The following AVEN variants were observed in gnomAD, a reference collection of about 807,000 sequenced individuals.
The protein encoded by AVEN is apoptosis and caspase activation inhibitor.
Under a neutral mutation model 38.1 loss-of-function variants are expected in AVEN, and 41 were observed. That is an observed-to-expected ratio of 1.08 (90% CI 0.84 to 1.40). The LOEUF (loss-of-function observed/expected upper bound fraction) is 1.40. Ranked by LOEUF, AVEN falls within the 40% of genes most tolerant of loss-of-function variation. AVEN has a pLI of 0.00. For synonymous variants in AVEN, 206 were observed against 171.8 expected (o/e 1.20, Z -1.56); for missense variants, 605 against 438.8 (o/e 1.38, Z -3.38).
intron 2 of AVEN, among the ~76,000 whole-genome samples, chr15:33,885,158 C>T (rs1162020606): frequency 6.6e-6 from 1 of 152,186 alleles, no homozygotes; most frequent in Non-Finnish European, 1.5e-5. Context: ...TATAGGTCGA[C>T]AAAGGCTGAG....
At chr15:34,000,901 A>G (rs1220778562) in intron 2 of AVEN, among the ~76,000 whole-genome samples, 1 of 152,216 alleles carries the variant, frequency 6.6e-6, no homozygotes, top group Non-Finnish European at 1.5e-5. Context: ...AAGCAAAGAG[A>G]CTACAAGAAA....
chr15:34,049,307 G>GA (rs1208872985), intron 5 of AVEN, among the ~76,000 whole-genome samples: 8 of 152,136 alleles, frequency 5.3e-5, no homozygotes, highest in Admixed American at 6.5e-5. Context: ...TATGAATCAT[G>GA]AGAAAACAAT....
At chr15:34,016,353 T>G (rs1475486846) in intron 1 of AVEN, among the ~76,000 whole-genome samples, 1 of 152,230 alleles carries the variant, frequency 6.6e-6, no homozygotes, top group Admixed American at 6.5e-5. Flanking sequence ...AATCTTATTA[T>G]GTAGTAAACT....
downstream of AVEN, among the ~76,000 whole-genome samples, chr15:33,861,357 T>G (rs1888137026): frequency 6.6e-6 from 1 of 152,190 alleles, no homozygotes; most frequent in Non-Finnish European, 1.5e-5. Context: ...ACGTGTGTTG[T>G]GGACAATTCC....
chr15:33,864,212 C>G (rs368093331), downstream of AVEN: 36 of 1,584,608 alleles, frequency 2.3e-5, no homozygotes, highest in East Asian at 3.1e-4. Flanking sequence ...GAATCATATA[C>G]CCGTGTTAGA....
intron 1 of AVEN, among the ~76,000 whole-genome samples, chr15:34,024,775 A>C (rs2339350): frequency 0.99 from 149,071 of 150,254 alleles, 73,960 homozygotes; most frequent in Middle Eastern, 1. Context: ...GCAGGAGAAT[A>C]GCTTGAACCC....
chr15:33,881,878 G>A (rs1194464376), intron 2 of AVEN, among the ~76,000 whole-genome samples: 1 of 152,148 alleles, frequency 6.6e-6, no homozygotes, highest in Non-Finnish European at 1.5e-5. Context: ...CTGACTAAAA[G>A]GTATAGAAGA....
In AVEN at chr15:34,028,362, C is replaced by T. The variant is rs548668600; in HGVS notation, c.267+10418G>A. ...GGTGGTTCACTTGAGCCCAGGAGTT[C>T]GAGAGCAGCCTGTGCAACCTGGCAA... On this transcript the variant is annotated intron_variant, in intron 1 of 5. Transcript: ENST00000306730. Among the ~76,000 whole-genome samples, 5 of 152,150 alleles carry T rather than the reference C, an allele frequency of 3.3e-5. 1 individual carries two copies. The highest frequency in any genetic ancestry group is 7.2e-5 in the African/African-American group (3 of 41,510).
At chr15:34,032,367 T>A (rs1395581416) in intron 1 of AVEN, among the ~76,000 whole-genome samples, 1 of 152,122 alleles carries the variant, frequency 6.6e-6, no homozygotes, top group African/African-American at 2.4e-5. Context: ...AAACCAACAA[T>A]GACTTAGTAC....
At chr15:33,971,179 CCT>C (rs1895622725) in intron 2 of AVEN, among the ~76,000 whole-genome samples, 1 of 151,992 alleles carries the variant, frequency 6.6e-6, no homozygotes, top group South Asian at 2.1e-4. Flanking sequence ...ACAACTTTTC[CCT>C]GTTATTGATA....
chr15:33,893,155 T>C (rs149750165), intron 2 of AVEN, among the ~76,000 whole-genome samples: 4,007 of 152,298 alleles, frequency 0.026, 73 homozygotes, highest in Non-Finnish European at 0.04. Context: ...TACGATCATG[T>C]CATCTGCAAA....
intron 2 of AVEN, among the ~76,000 whole-genome samples, chr15:33,884,404 A>G (rs1638864022): frequency 6.6e-6 from 1 of 152,200 alleles, no homozygotes; most frequent in South Asian, 2.1e-4. Flanking sequence ...GTACTTTTAA[A>G]AATAGTCTGT....
chr15:34,014,277 T>C (rs1424492196), intron 1 of AVEN, among the ~76,000 whole-genome samples: 1 of 149,134 alleles, frequency 6.7e-6, no homozygotes, highest in African/African-American at 2.5e-5. Context: ...GGCAGGAGGA[T>C]TGCTTGAACC....
intron 5 of AVEN, among the ~76,000 whole-genome samples, chr15:34,054,757 G>T (rs1161340775): frequency 6.6e-6 from 1 of 152,130 alleles, no homozygotes; most frequent in South Asian, 2.1e-4. Context: ...TAGGTAATGG[G>T]ATGATGTGTG....
chr15:34,038,648 C>T (rs1344474171), intron 1 of AVEN, 132 bp downstream of exon 1: 15 of 835,942 alleles, frequency 1.8e-5, no homozygotes, highest in Non-Finnish European at 2.1e-5. Flanking sequence ...TCCGCCCGTC[C>T]CGCGCAGGCG....
chr15:33,924,866 A>G (rs1316027581), intron 2 of AVEN, among the ~76,000 whole-genome samples: 12 of 152,126 alleles, frequency 7.9e-5, no homozygotes, highest in African/African-American at 2.2e-4. Context: ...TTTGGAACCT[A>G]CTCTGAATTA....
chr15:33,993,990 T>C (rs1456008321), intron 2 of AVEN, among the ~76,000 whole-genome samples: 5 of 152,238 alleles, frequency 3.3e-5, no homozygotes, highest in Admixed American at 2.0e-4. Context: ...GTTGCTTCCA[T>C]CTGAGGCTCT....
chr15:33,917,424 C>T (rs1473939715), intron 2 of AVEN, among the ~76,000 whole-genome samples: 1 of 149,240 alleles, frequency 6.7e-6, no homozygotes, highest in African/African-American at 2.5e-5. Flanking sequence ...TATATACACA[C>T]ACTATATATA....
downstream of AVEN, chr15:33,865,506 C>CTAGTTCAG (rs1313137651): frequency 3.0e-5 from 11 of 367,830 alleles, no homozygotes; most frequent in Non-Finnish European, 3.9e-5. Context: ...TCTGAGGTAA[C>CTAGTTCAG]TAGTTCAGTT....
Sources: gnomAD v4.1 joint callset for allele counts (sites outside exome capture counted in the v4.1 genomes callset) on GRCh38, gnomAD v4.1.1 for gene constraint, MANE v1.5 for transcripts, NCBI Gene and HGNC (gene_info 2026-07-23, HGNC 2026-07-21) for gene names.